Variants in TSPAN9 observed in about 807,000 individuals in gnomAD.
TSPAN9 encodes the protein tetraspanin 9.
TSPAN9 carries 16 observed loss-of-function variants against 31.0 expected under a neutral mutation model. The observed-to-expected ratio is 0.52, with a 90% CI of 0.35 to 0.78. The LOEUF (loss-of-function observed/expected upper bound fraction) is 0.78, where lower values mean the gene tolerates loss of function less well. TSPAN9 is among the 30% of genes least tolerant of loss of function. The pLI is 0.01. For missense variants in TSPAN9, 272 were observed against 312.5 expected, an observed-to-expected ratio of 0.87 and a Z score of 0.98; for synonymous variants, 145 against 121.6, an observed-to-expected ratio of 1.19 and a Z score of -1.27.
intron 3 of TSPAN9, among the ~76,000 whole-genome samples, chr12:3,243,382 TTA>T (rs1366423214): frequency 2.8e-4 from 43 of 152,160 alleles, no homozygotes; most frequent in Non-Finnish European, 5.9e-5. Flanking sequence ...CTGTTTTAAC[TTA>T]TGTTTTGCAC....
chr12:3,257,483 C>T (rs1320483192), intron 3 of TSPAN9, among the ~76,000 whole-genome samples: 1 of 151,892 alleles, frequency 6.6e-6, no homozygotes, highest in African/African-American at 2.4e-5. Flanking sequence ...CCATCCTCTG[C>T]TTGATGGCTG....
intron 3 of TSPAN9, among the ~76,000 whole-genome samples, chr12:3,209,582 C>A (rs2098377251): frequency 6.6e-6 from 1 of 152,176 alleles, no homozygotes; most frequent in Non-Finnish European, 1.5e-5. Flanking sequence ...GCACACGTGA[C>A]TCGCCTGACG....
At chr12:3,112,347 T>G (rs934856584) in intron 2 of TSPAN9, among the ~76,000 whole-genome samples, 3 of 151,902 alleles carry the variant, frequency 2.0e-5, no homozygotes, top group Non-Finnish European at 4.4e-5. Flanking sequence ...CGGCTAATTT[T>G]GTAGTTTTAG....
Position 3,158,462 on chromosome 12 carries a change from G to A in TSPAN9, c.-17-42715G>A, listed in dbSNP as rs117590160. Among the ~76,000 whole-genome samples, 38 of 152,256 alleles carry A rather than the reference G, an allele frequency of 2.5e-4. No homozygotes were observed. The East Asian group carries it at 6.9e-3, about 28-fold the overall frequency. ...TAAAGCATAGGCTTCCGTGGCTCAC[G>A]CCTATAATCCCAGCACTTTGGGAAG... On this transcript the variant is annotated intron_variant, in intron 2 of 8. Coordinates refer to ENST00000011898, the MANE Select transcript of TSPAN9 (RefSeq NM_006675.5).
intron 2 of TSPAN9, among the ~76,000 whole-genome samples, chr12:3,127,535 T>TTAG (rs1229713824): frequency 1.3e-5 from 2 of 151,892 alleles, no homozygotes; most frequent in Non-Finnish European, 2.9e-5. Flanking sequence ...TTTTGTATTT[T>TTAG]TAGTAGAGAT....
chr12:3,233,985 C>T (rs759063367), intron 3 of TSPAN9, among the ~76,000 whole-genome samples: 9 of 152,154 alleles, frequency 5.9e-5, no homozygotes, highest in Non-Finnish European at 1.2e-4. Context: ...CCACAGGCTG[C>T]AGAGAATAGC....
chr12:3,081,620 T>C (rs2098297855), intron 1 of TSPAN9, among the ~76,000 whole-genome samples: 1 of 152,058 alleles, frequency 6.6e-6, no homozygotes, highest in African/African-American at 2.4e-5. Context: ...ATATACTTCC[T>C]TGGGTGGTTC....
intron 2 of TSPAN9, among the ~76,000 whole-genome samples, chr12:3,111,098 C>T (rs1278961371): frequency 6.6e-6 from 1 of 152,174 alleles, no homozygotes; most frequent in Non-Finnish European, 1.5e-5. Context: ...TGGGATGTTG[C>T]TGTTGTCCTC....
chr12:3,281,003 G>T (rs1043758336), intron 6 of TSPAN9, among the ~76,000 whole-genome samples, 195 bp from the exon 7 acceptor site: 2 of 152,210 alleles, frequency 1.3e-5, no homozygotes, highest in Non-Finnish European at 2.9e-5. Context: ...CTCCAGGAAG[G>T]AGTGCTCACT....
At chr12:3,282,931 C>T (rs1765467308) in intron 8 of TSPAN9, 114 bp from the exon 9 acceptor site, 4 of 969,168 alleles carry the variant, frequency 4.1e-6, no homozygotes, top group Non-Finnish European at 1.6e-6. Context: ...CCTGGCACAC[C>T]AGTGGCCATC....
At chr12:3,144,861 C>T (rs948216082) in intron 2 of TSPAN9, among the ~76,000 whole-genome samples, 1 of 152,260 alleles carries the variant, frequency 6.6e-6, no homozygotes, top group Non-Finnish European at 1.5e-5. Context: ...AAAATTAGAA[C>T]CCAAAAAGCT....
intron 1 of TSPAN9, among the ~76,000 whole-genome samples, chr12:3,079,938 T>TA (rs199695336): frequency 1.0e-4 from 15 of 144,094 alleles, no homozygotes; most frequent in African/African-American, 3.0e-4. Context: ...CTCAGATAAT[T>TA]AAAAAAATTT....
chr12:3,177,469 G>A (rs890039197), intron 2 of TSPAN9, among the ~76,000 whole-genome samples: 1 of 152,094 alleles, frequency 6.6e-6, no homozygotes, highest in Non-Finnish European at 1.5e-5. Context: ...GTCTCGCTCT[G>A]TTGCCCAGGC....
intron 2 of TSPAN9, among the ~76,000 whole-genome samples, chr12:3,156,462 T>C (rs1169745558): frequency 1.3e-5 from 2 of 151,834 alleles, no homozygotes; most frequent in Non-Finnish European, 2.9e-5. Flanking sequence ...GAGTTTGGGA[T>C]CTAGGCAAGA....
chr12:3,101,307 C>T (rs1358635443), intron 2 of TSPAN9, among the ~76,000 whole-genome samples: 1 of 152,178 alleles, frequency 6.6e-6, no homozygotes, highest in Non-Finnish European at 1.5e-5. Flanking sequence ...GAAAATTGAA[C>T]CATCCAGCAG....
chr12:3,152,597 C>CTTTTTTTTTT (rs367668971), intron 2 of TSPAN9, among the ~76,000 whole-genome samples: 1 of 150,986 alleles, frequency 6.6e-6, no homozygotes, highest in Non-Finnish European at 1.5e-5. Flanking sequence ...TCTTTTCTTT[C>CTTTTTTTTTT]TTTTTTGAGA....
At chr12:3,211,338 A>G (rs1209187462) in intron 3 of TSPAN9, among the ~76,000 whole-genome samples, 3 of 152,130 alleles carry the variant, frequency 2.0e-5, no homozygotes, top group Admixed American at 1.3e-4. Context: ...CTGTTTGTCT[A>G]TCCTGATGCC....
intron 2 of TSPAN9, among the ~76,000 whole-genome samples, chr12:3,127,295 A>G (rs747465857): frequency 3.9e-5 from 6 of 151,988 alleles, no homozygotes; most frequent in Non-Finnish European, 8.8e-5. Context: ...TCCTGTGACA[A>G]CAGTGCCTTC....
At chr12:3,246,985 G>A (rs957618630) in intron 3 of TSPAN9, among the ~76,000 whole-genome samples, 3 of 152,212 alleles carry the variant, frequency 2.0e-5, no homozygotes, top group African/African-American at 4.8e-5. Flanking sequence ...CCGCTGGGAG[G>A]ATGGGTGGTC....
Sources: gnomAD v4.1 joint callset for allele counts (sites outside exome capture counted in the v4.1 genomes callset) on GRCh38, gnomAD v4.1.1 for gene constraint, MANE v1.5 for transcripts, NCBI Gene and HGNC (gene_info 2026-07-23, HGNC 2026-07-21) for gene names.